The following ITPA variants were observed in gnomAD, a reference collection of about 807,000 sequenced individuals.
The protein encoded by ITPA is inosine triphosphatase, also known as inosine triphosphate pyrophosphatase.
Under a neutral mutation model 29.6 loss-of-function variants are expected in ITPA, and 29 were observed. The ratio of observed to expected loss-of-function variants is 0.98; its 90% CI spans 0.73 to 1.34. The LOEUF (loss-of-function observed/expected upper bound fraction) is 1.34. Ranked by LOEUF, ITPA falls within the 40% of genes most tolerant of loss-of-function variation. The probability of loss-of-function intolerance (pLI) is 0.00; values close to 1 mark genes in which losing one functional copy is unlikely to be tolerated. For missense variants in ITPA, 241 were observed against 251.5 expected, an observed-to-expected ratio of 0.96 and a Z score of 0.28; for synonymous variants, 103 against 99.3, an observed-to-expected ratio of 1.04 and a Z score of -0.22.
At chr20:3,219,257 AGTGCAGTGGTGTCGTCTCGGCTCAC>A (rs2067398302) in intron 6 of ITPA, among the ~76,000 whole-genome samples, 1 of 117,020 alleles carries the variant, frequency 8.5e-6, no homozygotes, top group Non-Finnish European at 1.6e-5. Context: ...CCCAGGCTGG[AGTGCAGTGGTGTCGTCTCGGCTCAC>A]TGCAACCTCC....
chr20:3,208,697 T>C (rs1449729517), upstream of ITPA, among the ~76,000 whole-genome samples: 1 of 152,196 alleles, frequency 6.6e-6, no homozygotes, highest in Non-Finnish European at 1.5e-5. Flanking sequence ...AGCATCAGAA[T>C]GGCCTGAGGA....
intron 1 of ITPA, among the ~76,000 whole-genome samples, chr20:3,211,321 A>C (rs1003234688): frequency 1.3e-5 from 2 of 149,298 alleles, no homozygotes; most frequent in Non-Finnish European, 3.0e-5. Flanking sequence ...ATGTATCACC[A>C]CGCCTGGTTA....
chr20:3,218,940 A>T, intron 6 of ITPA: 1 of 446,168 alleles, frequency 2.2e-6, no homozygotes. Context: ...TGTTTCAGGG[A>T]AACAGTTGGC....
intron 5 of ITPA, among the ~76,000 whole-genome samples, chr20:3,215,647 C>G (rs1208382678): frequency 6.6e-6 from 1 of 152,208 alleles, no homozygotes; most frequent in African/African-American, 2.4e-5. Context: ...AGTGCATATC[C>G]TGTCACCCAC....
chr20:3,227,022 T>C (rs973529995), downstream of ITPA, among the ~76,000 whole-genome samples: 34 of 152,174 alleles, frequency 2.2e-4, no homozygotes, highest in Non-Finnish European at 8.8e-5. Context: ...GATGGGATGG[T>C]TCACAAGTGC....
intron 5 of ITPA, among the ~76,000 whole-genome samples, chr20:3,216,672 G>T (rs1335997525): frequency 6.6e-6 from 1 of 151,284 alleles, no homozygotes; most frequent in Non-Finnish European, 1.5e-5. Flanking sequence ...GGCTGGTCTC[G>T]AACTCCTGAC....
At chr20:3,215,851 AATTTTTGT>A (rs1444689512) in intron 5 of ITPA, among the ~76,000 whole-genome samples, 2 of 151,246 alleles carry the variant, frequency 1.3e-5, no homozygotes, top group African/African-American at 4.9e-5. Context: ...ACGCCCTGCT[AATTTTTGT>A]ATTTTTAGTA....
At chr20:3,212,419 C>G (rs900422412) in intron 1 of ITPA, among the ~76,000 whole-genome samples, 2 of 151,734 alleles carry the variant, frequency 1.3e-5, no homozygotes, top group Non-Finnish European at 2.9e-5. Context: ...CTTCTGTGCT[C>G]AAGCAATCCT....
chr20:3,223,454 G>A lies in ITPA; in HGVS notation c.577G>A (p.Ala193Thr), dbSNP rs1390640865. The A allele has an allele frequency of 6.2e-7, 1 of 1,612,354 alleles. No homozygotes were observed. The highest frequency in any genetic ancestry group is 1.1e-5 in the South Asian group (1 of 90,626). Residue 193 changes from alanine (A) to threonine (T), a missense_variant, in exon 8 of 8, where the codon GCA becomes ACA. Coordinates refer to ENST00000380113, the MANE Select transcript of ITPA (RefSeq NM_033453.4). ...LELQEYFGSL[A>T]A ...GCTGCAGGAGTACTTTGGCAGTTTG[G>A]CAGCTTGACTTCTGCAGCTGGAGGA...
upstream of ITPA, among the ~76,000 whole-genome samples, chr20:3,205,821 G>A (rs922136184): frequency 3.3e-5 from 5 of 152,282 alleles, no homozygotes; most frequent in African/African-American, 1.2e-4. Flanking sequence ...TTGGGAGGCC[G>A]AGGTGGGCGG....
At chr20:3,218,382 G>A (rs1010570534) in intron 5 of ITPA, 135 bp from the exon 6 acceptor site, 6 of 717,418 alleles carry the variant, frequency 8.4e-6, no homozygotes, top group Middle Eastern at 4.8e-4. Flanking sequence ...GGGCTCTGCC[G>A]CCCCCGCTAC....
chr20:3,219,946 G>T (rs2067417273), intron 6 of ITPA, among the ~76,000 whole-genome samples: 1 of 150,946 alleles, frequency 6.6e-6, no homozygotes, highest in Non-Finnish European at 1.5e-5. Context: ...GGAGGCTGAG[G>T]TGGGAGGATC....
At chr20:3,211,974 C>T (rs567968095) in intron 1 of ITPA, among the ~76,000 whole-genome samples, 75 of 152,082 alleles carry the variant, frequency 4.9e-4, no homozygotes, top group African/African-American at 1.8e-3. Flanking sequence ...TCTCTTGAGC[C>T]GAGGAGTTCA....
intron 5 of ITPA, among the ~76,000 whole-genome samples, chr20:3,217,077 C>G (rs964273830): frequency 3.9e-5 from 6 of 152,062 alleles, no homozygotes; most frequent in African/African-American, 1.4e-4. Flanking sequence ...GACAGGGTTT[C>G]ACCACGTTGG....
At position 3,215,950 on chromosome 20, in the gene ITPA, T is replaced by A. The variant is rs143478444; in HGVS notation, c.295+638T>A. On this transcript the variant is annotated intron_variant, in intron 5 of 7. Transcript: ENST00000380113. ...ATCCGCCTACCTTGGCCTCCCAGAG[T>A]GCTGGGATTACAGATGTGAGTCACA... Among the ~76,000 whole-genome samples, 143 of 152,194 alleles carry A rather than the reference T, an allele frequency of 9.4e-4. 1 individual carries two copies. The highest frequency in any genetic ancestry group is 3.4e-3 in the African/African-American group (140 of 41,508).
At chr20:3,226,188 T>C (rs1222500757), downstream of ITPA, among the ~76,000 whole-genome samples, 1 of 152,126 alleles carries the variant, frequency 6.6e-6, no homozygotes, top group African/African-American at 2.4e-5. This position sits in a 1 kb window ranked among gnomAD's most constrained non-coding sequence, Gnocchi z 4.4. Context: ...AAGTTAGGGG[T>C]GGTCTCGTGG....
intron 6 of ITPA, among the ~76,000 whole-genome samples, chr20:3,220,433 G>T (rs1324590605): frequency 1.3e-5 from 2 of 152,066 alleles, no homozygotes; most frequent in Admixed American, 6.6e-5. Context: ...TTCAGTAACT[G>T]GCCTTAGTCA....
upstream of ITPA, chr20:3,204,786 G>A (rs1034205111): frequency 7.6e-6 from 5 of 655,774 alleles, no homozygotes; most frequent in Non-Finnish European, 1.3e-5. Context: ...ATGAGTTTGG[G>A]GGGTGTAAAG....
chr20:3,205,425 C>T (rs1451060819), upstream of ITPA, among the ~76,000 whole-genome samples: 1 of 152,054 alleles, frequency 6.6e-6, no homozygotes, highest in African/African-American at 2.4e-5. Context: ...AGATTTATTT[C>T]AGGAGCCAGG....
Sources: allele counts gnomAD v4.1 joint callset (sites outside exome capture counted in the v4.1 genomes callset), GRCh38; gene constraint gnomAD v4.1.1; non-coding constraint Gnocchi (gnomAD v3.1); transcripts MANE v1.5; gene names NCBI Gene and HGNC (gene_info 2026-07-23, HGNC 2026-07-21).